GSAP: variants seen among roughly 807,000 people sequenced by gnomAD.
GSAP encodes gamma-secretase-activating protein.
A neutral mutation model predicts 131.7 loss-of-function variants in GSAP; 118 were observed. That is an observed-to-expected ratio of 0.90 (90% CI 0.77 to 1.04). The LOEUF (loss-of-function observed/expected upper bound fraction) is 1.04, where lower values mean the gene tolerates loss of function less well. Ranked by LOEUF, GSAP falls within the 50% of genes least tolerant of loss-of-function variation. GSAP has a pLI of 0.00. For missense variants in GSAP, 1,019 were observed against 1,013.2 expected (o/e 1.01, Z -0.08); for synonymous variants, 381 against 363.4 (o/e 1.05, Z -0.55).
intron 27 of GSAP, 22 bp downstream of exon 27, chr7:77,314,348 T>C (rs201133019): frequency 2.8e-4 from 444 of 1,612,614 alleles, no homozygotes; most frequent in Non-Finnish European, 3.5e-4. Context: ...ACTAGCACTC[T>C]GGCAAACTCA....
chr7:77,314,313 T>C, intron 27 of GSAP, 57 bp downstream of exon 27: 2 of 1,601,330 alleles, frequency 1.2e-6, no homozygotes, highest in African/African-American at 1.3e-5. Context: ...CCCAAGAAGC[T>C]AGCCTTGGTG....
At chr7:77,329,807 A>G in intron 20 of GSAP, 1 of 161,766 alleles carries the variant, frequency 6.2e-6, no homozygotes, top group South Asian at 1.8e-4. Context: ...ACCACAATCA[A>G]CACATAGAAG....
In GSAP at chr7:77,331,641, T is replaced by C. The variant is rs370499017; in HGVS notation, c.1546-1274A>G. On this transcript the variant is annotated intron_variant, in intron 19 of 30. Coordinates refer to ENST00000257626, the MANE Select transcript of GSAP (RefSeq NM_017439.4). ...GTCATAATTGGTTTGAAATGTGTTT[T>C]GGAGTATCAGTAAAGTAAGTAACAT... 3.3e-5 allele frequency among the ~76,000 whole-genome samples: 5 copies of C among 152,338 alleles called. No homozygotes were observed. In the East Asian group the frequency reaches 9.6e-4, roughly 29 times the overall value.
chr7:77,313,198 C>G (rs1260894891), intron 28 of GSAP, among the ~76,000 whole-genome samples: 1 of 152,212 alleles, frequency 6.6e-6, no homozygotes, highest in Non-Finnish European at 1.5e-5. Context: ...CTCCCTCCCT[C>G]TCAGACTCAG....
At chr7:77,349,426 A>G in intron 18 of GSAP, 22 bp from the exon 19 acceptor site, 1 of 1,604,200 alleles carries the variant, frequency 6.2e-7, no homozygotes, top group Non-Finnish European at 8.5e-7. Context: ...AAAAACACAC[A>G]CACACAGCTG....
At chr7:77,360,216 T>C (rs1311138043) in intron 14 of GSAP, among the ~76,000 whole-genome samples, 1 of 152,208 alleles carries the variant, frequency 6.6e-6, no homozygotes, top group Non-Finnish European at 1.5e-5. Flanking sequence ...AAGTAAATCA[T>C]TACTTAGTCT....
intron 18 of GSAP, chr7:77,351,226 C>CA (rs532206685): frequency 4.6e-5 from 45 of 979,402 alleles, no homozygotes; most frequent in Admixed American, 6.2e-5. Flanking sequence ...GAGGATACCT[C>CA]AAAAAAAATT....
chr7:77,394,408 T>G (rs902701758), intron 5 of GSAP, among the ~76,000 whole-genome samples: 2 of 152,230 alleles, frequency 1.3e-5, no homozygotes, highest in Non-Finnish European at 2.9e-5. Flanking sequence ...AGCCTCGTGC[T>G]TGTTCCATCC....
At chr7:77,401,677 A>G (rs1801344234) in intron 3 of GSAP, among the ~76,000 whole-genome samples, 1 of 152,248 alleles carries the variant, frequency 6.6e-6, no homozygotes, top group African/African-American at 2.4e-5. Flanking sequence ...GCAAATATAT[A>G]GGTAAACACA....
intron 5 of GSAP, among the ~76,000 whole-genome samples, chr7:77,389,354 T>C (rs1799082793): frequency 6.6e-6 from 1 of 151,248 alleles, no homozygotes; most frequent in South Asian, 2.1e-4. Flanking sequence ...CTGGTTAACA[T>C]AGTGAAATGC....
intron 5 of GSAP, among the ~76,000 whole-genome samples, chr7:77,393,305 T>G (rs1458600768): frequency 6.6e-6 from 1 of 152,166 alleles, no homozygotes; most frequent in Non-Finnish European, 1.5e-5. Context: ...AATCCTATAG[T>G]GCTTTCTGGT....
rs781129190 is a variant in GSAP, at chr7:77,311,937, G to A, written c.2377C>T (p.Arg793Trp). 26 of 1,572,096 alleles carry A rather than the reference G, an allele frequency of 1.7e-5. No individual in the cohort carries two copies. The highest frequency in any genetic ancestry group is 9.4e-5 in the African/African-American group (7 of 74,114). Residue 793 changes from arginine to tryptophan, a missense_variant, in exon 30 of 31, where the codon CGG becomes TGG. Transcript: ENST00000257626. ...GATGACTTGTTAATCATAGAATTCC[G>A]AGGCTAAAAGGGAAACCACTTCTGG... ...RLLQNYKKQP[R>W]NSMINKSSFS...
At chr7:77,351,194 G>A in intron 18 of GSAP, 1 of 983,040 alleles carries the variant, frequency 1.0e-6, no homozygotes. Context: ...AGAATCTATT[G>A]TGTGCTTCAT....
intron 16 of GSAP, 102 bp from the exon 17 acceptor site, chr7:77,353,743 AT>A: frequency 1.5e-6 from 1 of 680,360 alleles, no homozygotes; most frequent in Non-Finnish European, 2.6e-6. Flanking sequence ...TTCTATACCT[AT>A]TTTAGAATTG....
chr7:77,345,740 C>A (rs1584391491), intron 19 of GSAP, among the ~76,000 whole-genome samples: 1 of 152,220 alleles, frequency 6.6e-6, no homozygotes, highest in East Asian at 1.9e-4. Flanking sequence ...GACTACCCAC[C>A]CAAATCCTAT....
intron 20 of GSAP, 100 bp downstream of exon 20, chr7:77,330,139 A>G: frequency 7.5e-7 from 1 of 1,341,950 alleles, no homozygotes; most frequent in Non-Finnish European, 1.0e-6. Flanking sequence ...AATTGGGAAG[A>G]GTGCTGCACA....
chr7:77,336,708 G>C (rs538979444), intron 19 of GSAP, among the ~76,000 whole-genome samples: 9 of 152,186 alleles, frequency 5.9e-5, no homozygotes, highest in African/African-American at 1.9e-4. Context: ...AGCTAGTCTC[G>C]AACTCCTGAC....
rs370764682 is a variant in GSAP at position 77,339,025 on chromosome 7, CAAAG to C, written c.1546-8662_1546-8659del. ...GAGTAAATAGGGGTACCTTGGTCCTCAAAGAAAAAATGTGGAAGCAAGCACACAC... is the reference window on the plus strand; with the variant it reads ...GAGTAAATAGGGGTACCTTGGTCCTCAAAAAATGTGGAAGCAAGCACACAC... On this transcript the variant is annotated intron_variant, in intron 19 of 30. Transcript: ENST00000257626. 4.2e-3 allele frequency among the ~76,000 whole-genome samples: 631 copies of C among 152,030 alleles called. 6 individuals are homozygous for C. The highest frequency in any genetic ancestry group is 8.3e-3 in the African/African-American group (345 of 41,442).
intron 12 of GSAP, among the ~76,000 whole-genome samples, chr7:77,366,054 T>TCTG (rs1318695783): frequency 6.6e-6 from 1 of 152,090 alleles, no homozygotes; most frequent in Non-Finnish European, 1.5e-5. Flanking sequence ...TTGTAAAGTA[T>TCTG]CTGTTCATGT....
Sources: gnomAD v4.1 joint callset for allele counts (sites outside exome capture counted in the v4.1 genomes callset) on GRCh38, gnomAD v4.1.1 for gene constraint, MANE v1.5 for transcripts, NCBI Gene and HGNC (gene_info 2026-07-23, HGNC 2026-07-21) for gene names.